CADM2: variants seen among roughly 807,000 people sequenced by gnomAD.
CADM2 encodes the protein immunoglobulin superfamily member 4D.
Under a neutral mutation model 49.8 loss-of-function variants are expected in CADM2, and 12 were observed. The ratio of observed to expected loss-of-function variants is 0.24; its 90% confidence interval spans 0.15 to 0.39. The LOEUF (loss-of-function observed/expected upper bound fraction) is 0.39. Ranked by LOEUF, CADM2 falls within the 10% of genes least tolerant of loss-of-function variation. The pLI is 1.00. For synonymous variants in CADM2, 214 were observed against 175.4 expected (o/e 1.22, Z -1.74); for missense variants, 378 against 492.3 (o/e 0.77, Z 2.20).
At chr3:85,040,471 A>T (rs2035390865) in intron 1 of CADM2, among the ~76,000 whole-genome samples, 1 of 152,148 alleles carries the variant, frequency 6.6e-6, no homozygotes, top group Non-Finnish European at 1.5e-5. Flanking sequence ...AAACTGAGCA[A>T]CACTTACAGA....
chr3:85,229,875 G>A (rs2042248735), intron 1 of CADM2, among the ~76,000 whole-genome samples: 1 of 152,130 alleles, frequency 6.6e-6, no homozygotes, highest in African/African-American at 2.4e-5. Context: ...TTTGATTCTG[G>A]CAACTTTGAT....
At chr3:85,294,385 A>G (rs937328452) in intron 1 of CADM2, among the ~76,000 whole-genome samples, 12 of 152,018 alleles carry the variant, frequency 7.9e-5, no homozygotes, top group African/African-American at 2.4e-4. Context: ...TACAGATTCA[A>G]TGCCATCCTC....
In CADM2 at chr3:85,419,446, A is replaced by T. The variant is rs1374824210; in HGVS notation, c.62-307076A>T. ...GCACTCCAGCCTGGGCGACAGAGCA[A>T]GACTCCGTCTCGAAAAAAAAAAAAA... On this transcript the variant is annotated intron_variant, in intron 1 of 9. Coordinates refer to ENST00000383699, the MANE Select transcript of CADM2 (RefSeq NM_001167675.2). Among the ~76,000 whole-genome samples, 3 of 132,338 alleles carry T rather than the reference A, an allele frequency of 2.3e-5. No individual in the cohort carries two copies. In the Admixed American group the frequency reaches 2.5e-4, roughly 11 times the overall value. The allele number at this position is 132,338 out of a possible 152,430, so 86.8% of individuals were successfully genotyped here.
At chr3:85,399,518 T>G (rs534018365) in intron 1 of CADM2, among the ~76,000 whole-genome samples, 5 of 152,330 alleles carry the variant, frequency 3.3e-5, no homozygotes, top group East Asian at 3.9e-4. Flanking sequence ...GTGAAGAAAG[T>G]CATTGGTAGC....
intron 1 of CADM2, among the ~76,000 whole-genome samples, chr3:85,534,815 C>G (rs1330126970): frequency 6.6e-6 from 1 of 152,114 alleles, no homozygotes; most frequent in Non-Finnish European, 1.5e-5. Context: ...ATCTCAAGCT[C>G]TCTTTGCAGT....
chr3:85,912,845 A>G (rs1479172296), intron 6 of CADM2, among the ~76,000 whole-genome samples: 3 of 152,154 alleles, frequency 2.0e-5, no homozygotes, highest in African/African-American at 7.2e-5. Context: ...TAATTTGAGC[A>G]AAATCACTGA....
chr3:85,350,473 C>A (rs576763078), intron 1 of CADM2, among the ~76,000 whole-genome samples: 211 of 152,196 alleles, frequency 1.4e-3, no homozygotes, highest in African/African-American at 4.9e-3. Context: ...ATCCTTCTAC[C>A]ATGTACTTTT....
At chr3:85,884,004 G>A (rs933682637) in intron 4 of CADM2, among the ~76,000 whole-genome samples, 2 of 152,034 alleles carry the variant, frequency 1.3e-5, no homozygotes, top group Non-Finnish European at 1.5e-5. Flanking sequence ...ACCTAATGTC[G>A]CTTCAGCTTG....
chr3:85,905,894 A>G (rs1268931107), intron 5 of CADM2, among the ~76,000 whole-genome samples: 6 of 152,226 alleles, frequency 3.9e-5, no homozygotes, highest in East Asian at 3.9e-4. Context: ...TTTCATCACA[A>G]TGTTTTACTG....
At chr3:85,977,299 T>A (rs1004457221) in intron 8 of CADM2, among the ~76,000 whole-genome samples, 17 of 151,470 alleles carry the variant, frequency 1.1e-4, no homozygotes, top group African/African-American at 4.1e-4. Flanking sequence ...GTATTTGAAC[T>A]GATTATGTGA....
chr3:85,939,600 G>A (rs528205718), intron 7 of CADM2, among the ~76,000 whole-genome samples: 115 of 151,408 alleles, frequency 7.6e-4, no homozygotes, highest in African/African-American at 2.4e-3. Context: ...CATTTTAATC[G>A]AATGTGTAAG....
chr3:85,473,032 T>C (rs749106335), intron 1 of CADM2, among the ~76,000 whole-genome samples: 1 of 152,088 alleles, frequency 6.6e-6, no homozygotes, highest in Non-Finnish European at 1.5e-5. Flanking sequence ...ATGAATATGA[T>C]ATATTGTTCT....
At chr3:85,682,996 A>C (rs2066082789) in intron 1 of CADM2, among the ~76,000 whole-genome samples, 1 of 152,134 alleles carries the variant, frequency 6.6e-6, no homozygotes. Context: ...ATGTGCCAAC[A>C]CTTTCTCCCC....
At chr3:85,377,540 A>C (rs1344513145) in intron 1 of CADM2, among the ~76,000 whole-genome samples, 2 of 152,114 alleles carry the variant, frequency 1.3e-5, no homozygotes, top group Non-Finnish European at 2.9e-5. Context: ...GGACATCCTT[A>C]GGAAAACCAT....
At chr3:85,025,467 T>A (rs532576277) in intron 1 of CADM2, among the ~76,000 whole-genome samples, 17 of 152,344 alleles carry the variant, frequency 1.1e-4, no homozygotes, top group South Asian at 4.1e-4. Flanking sequence ...CTTTAGGAAA[T>A]ATTATCCATA....
At chr3:85,237,115 A>G (rs1218206389) in intron 1 of CADM2, among the ~76,000 whole-genome samples, 1 of 152,066 alleles carries the variant, frequency 6.6e-6, no homozygotes, top group African/African-American at 2.4e-5. Context: ...AAGGCCACAC[A>G]TATACCAAAG....
intron 2 of CADM2, among the ~76,000 whole-genome samples, chr3:85,764,961 G>GT (rs576537974): frequency 1.3e-4 from 20 of 151,930 alleles, no homozygotes; most frequent in South Asian, 8.3e-4. Context: ...GATTTATTCT[G>GT]TTTTTTTGTT....
chr3:85,137,485 A>C (rs1305900354), intron 1 of CADM2, among the ~76,000 whole-genome samples: 3 of 152,054 alleles, frequency 2.0e-5, no homozygotes, highest in African/African-American at 7.2e-5. Flanking sequence ...TTATAATCTA[A>C]AACAAATTTT....
chr3:85,390,569 C>G (rs2034469881), intron 1 of CADM2, among the ~76,000 whole-genome samples: 1 of 152,000 alleles, frequency 6.6e-6, no homozygotes, highest in South Asian at 2.1e-4. Flanking sequence ...CTGTTTTCTC[C>G]TCTTTATACT....
Sources: gnomAD v4.1 joint callset for allele counts (sites outside exome capture counted in the v4.1 genomes callset) on GRCh38, gnomAD v4.1.1 for gene constraint, MANE v1.5 for transcripts, NCBI Gene and HGNC (gene_info 2026-07-23, HGNC 2026-07-21) for gene names.